The following PTGER3 variants were observed in gnomAD, a reference collection of about 807,000 sequenced individuals.
PTGER3 encodes prostaglandin E2 receptor EP3 subtype.
Under a neutral mutation model 34.7 loss-of-function variants are expected in PTGER3, and 22 were observed. That is an observed-to-expected ratio of 0.63 (90% CI 0.45 to 0.91). The LOEUF (loss-of-function observed/expected upper bound fraction) is 0.91, where lower values mean the gene tolerates loss of function less well. PTGER3 is among the 40% of genes least tolerant of loss of function. The probability of loss-of-function intolerance (pLI) is 0.00; values close to 1 mark genes in which losing one functional copy is unlikely to be tolerated. For missense variants in PTGER3, 468 were observed against 519.4 expected, an observed-to-expected ratio of 0.90 and a Z score of 0.96; for synonymous variants, 241 against 230.1, an observed-to-expected ratio of 1.05 and a Z score of -0.43.
At chr1:70,890,219 A>G (rs1171952995) in intron 4 of PTGER3, among the ~76,000 whole-genome samples, 1 of 152,182 alleles carries the variant, frequency 6.6e-6, no homozygotes, top group Admixed American at 6.5e-5. Context: ...CCATTTATTT[A>G]ACAACACTTA....
chr1:70,872,190 C>T (rs913669731), intron 4 of PTGER3, among the ~76,000 whole-genome samples: 2 of 152,136 alleles, frequency 1.3e-5, no homozygotes, highest in African/African-American at 4.8e-5. Context: ...TGAATGGGCA[C>T]GGGCCTCTGC....
chr1:70,927,676 C>G (rs181374910), intron 4 of PTGER3, among the ~76,000 whole-genome samples: 7 of 152,048 alleles, frequency 4.6e-5, no homozygotes, highest in African/African-American at 1.4e-4. Context: ...AAGAGCATAT[C>G]AAGTAAAAAA....
chr1:70,928,537 G>A (rs894479409), intron 4 of PTGER3, among the ~76,000 whole-genome samples: 8 of 152,064 alleles, frequency 5.3e-5, no homozygotes, highest in Admixed American at 1.3e-4. Context: ...GGGGACTAAG[G>A]TTGGAGGATC....
intron 3 of PTGER3, among the ~76,000 whole-genome samples, chr1:70,953,572 T>TTTG (rs1207482988): frequency 2.0e-5 from 3 of 152,068 alleles, no homozygotes; most frequent in South Asian, 2.1e-4. Context: ...GACTTGGGGA[T>TTTG]TTGTTGTTGT....
intron 4 of PTGER3, among the ~76,000 whole-genome samples, chr1:70,941,543 T>G (rs926224001): frequency 5.3e-5 from 8 of 152,220 alleles, no homozygotes; most frequent in Non-Finnish European, 1.0e-4. Context: ...CACCTCTGCT[T>G]TGATATTCCA....
At chr1:70,949,649 G>T (rs139353185), downstream of PTGER3, among the ~76,000 whole-genome samples, 1,086 of 152,270 alleles carry the variant, frequency 7.1e-3, 15 homozygotes, top group African/African-American at 0.025. Flanking sequence ...GACTTAACTT[G>T]CCAAATGATT....
At position 71,047,285 on chromosome 1, in the gene PTGER3, G is replaced by A; in HGVS notation, c.293C>T (p.Thr98Ile). ...GGTGAGAAGCTGCCCGACCAGGTCG[G>A]TGAGCGCCAGCCAGCCGATGCACAG... ...FLLCIGWLAL[T>I]DLVGQLLTTP... The change falls in exon 1 of 4, where the codon ACC (threonine) becomes ATC (isoleucine). Residue 98 changes from threonine (T) to isoleucine (I), a missense_variant. Coordinates refer to ENST00000306666, the MANE Select transcript of PTGER3 (RefSeq NM_198719.2). 1.3e-6 allele frequency: 2 copies of A among 1,598,298 alleles called. No homozygotes were observed. Among genetic ancestry groups the A allele is most frequent in the Non-Finnish European group, 1.7e-6 (2 of 1,173,494 alleles).
intron 1 of PTGER3, among the ~76,000 whole-genome samples, chr1:71,042,332 C>T (rs1660388570): frequency 6.6e-6 from 1 of 150,812 alleles, no homozygotes; most frequent in Non-Finnish European, 1.5e-5. Context: ...TGAGGTTATG[C>T]CAATTCATCT....
intron 4 of PTGER3, among the ~76,000 whole-genome samples, chr1:70,864,715 T>C (rs1238739661): frequency 2.0e-5 from 3 of 152,190 alleles, no homozygotes; most frequent in Non-Finnish European, 4.4e-5. Flanking sequence ...CAGTACTTTT[T>C]TGTTTAAAGC....
intron 2 of PTGER3, among the ~76,000 whole-genome samples, chr1:70,981,244 C>T (rs952176777): frequency 6.6e-6 from 1 of 151,924 alleles, no homozygotes; most frequent in Admixed American, 6.6e-5. Context: ...GTTTCTTTTT[C>T]TTTCTCCTTT....
At chr1:71,025,318 C>A (rs1658830783) in intron 1 of PTGER3, among the ~76,000 whole-genome samples, 1 of 151,798 alleles carries the variant, frequency 6.6e-6, no homozygotes, top group Admixed American at 6.6e-5. Context: ...CCAGTAGTAA[C>A]CCTGAGGCTG....
intron 2 of PTGER3, among the ~76,000 whole-genome samples, chr1:70,956,927 G>C (rs564700987): frequency 1.3e-5 from 2 of 152,218 alleles, no homozygotes; most frequent in East Asian, 3.9e-4. Flanking sequence ...CCAGGGAGTC[G>C]GAGGTTCCTG....
At chr1:70,978,397 A>C (rs12064496) in intron 2 of PTGER3, among the ~76,000 whole-genome samples, 1 of 152,092 alleles carries the variant, frequency 6.6e-6, no homozygotes, top group East Asian at 1.9e-4. Context: ...ACTAAATTTT[A>C]TATTGTTCGT....
chr1:71,032,272 T>C (rs186234379), intron 1 of PTGER3, among the ~76,000 whole-genome samples: 42 of 152,210 alleles, frequency 2.8e-4, no homozygotes, highest in African/African-American at 9.6e-4. Context: ...TCTCTGAGCC[T>C]GAATCTGGAA....
At chr1:70,885,030 G>A (rs1446721591) in intron 4 of PTGER3, among the ~76,000 whole-genome samples, 2 of 152,084 alleles carry the variant, frequency 1.3e-5, no homozygotes, top group African/African-American at 4.8e-5. Flanking sequence ...TTGGCACTTT[G>A]TCTAACTATT....
chr1:71,042,256 T>G (rs1040517872), intron 1 of PTGER3, among the ~76,000 whole-genome samples: 1 of 149,578 alleles, frequency 6.7e-6, no homozygotes. Context: ...TGATCTAGTG[T>G]GCACCCTTTG....
intron 4 of PTGER3, among the ~76,000 whole-genome samples, chr1:70,914,508 CT>C (rs1647131481): frequency 6.6e-6 from 1 of 151,774 alleles, no homozygotes; most frequent in South Asian, 2.1e-4. Flanking sequence ...AAATTTATAG[CT>C]GTTTGTCATT....
chr1:70,867,524 C>T (rs1646068275), intron 4 of PTGER3, among the ~76,000 whole-genome samples: 1 of 152,056 alleles, frequency 6.6e-6, no homozygotes, highest in Admixed American at 6.5e-5. Context: ...AATTCGAGAC[C>T]AGCCTGGCCA....
At chr1:70,865,986 T>G (rs1646034167) in intron 4 of PTGER3, among the ~76,000 whole-genome samples, 1 of 152,228 alleles carries the variant, frequency 6.6e-6, no homozygotes, top group Admixed American at 6.5e-5. Context: ...AAGCACTTCC[T>G]TCTCTGGGAA....
Sources: allele counts gnomAD v4.1 joint callset (sites outside exome capture counted in the v4.1 genomes callset), GRCh38; gene constraint gnomAD v4.1.1; transcripts MANE v1.5; gene names NCBI Gene and HGNC (gene_info 2026-07-23, HGNC 2026-07-21).